Variants in UTS2 observed in about 807,000 individuals in gnomAD.
The protein encoded by UTS2 is urotensin 2.
In UTS2, 10 loss-of-function variants were observed where a neutral mutation model predicts 12.6. The ratio of observed to expected loss-of-function variants is 0.80; its 90% CI spans 0.49 to 1.35. UTS2 has a LOEUF of 1.35. UTS2 is among the 40% of genes most tolerant of loss of function. UTS2 has a pLI of 0.00. For missense variants in UTS2, 142 were observed against 143.2 expected (o/e 0.99, Z 0.04); for synonymous variants, 52 against 50.0 (o/e 1.04, Z -0.17).
chr1:7,847,663 T>A lies in UTS2; in HGVS notation c.*103A>T. On this transcript the variant is annotated 3_prime_UTR_variant, in exon 4 of 4. Transcript: ENST00000361696. Reference sequence around the variant, plus strand: ...CCAGGTAACAATGAACAGGGTGTAGTTTGCCTAGTTTTTCTCCACACTGTT... The same window carrying A: ...CCAGGTAACAATGAACAGGGTGTAGATTGCCTAGTTTTTCTCCACACTGTT... 6.8e-6 allele frequency: 6 copies of A among 877,826 alleles called. No homozygotes were observed. Among genetic ancestry groups the A allele is most frequent in the South Asian group, 4.8e-5 (3 of 62,766 alleles). 54.4% of individuals were successfully genotyped at this position (877,826 alleles called of 1,614,324 possible).
chr1:7,887,592 C>CAAAAAAAAAAAA, the UTS2 span, among the ~76,000 whole-genome samples: 3 of 62,438 alleles, frequency 4.8e-5, no homozygotes, highest in African/African-American at 1.3e-4. Flanking sequence ...CCAGTCTCTA[C>CAAAAAAAAAAAA]AAAAAAAAAA....
At chr1:7,874,792 T>C in the UTS2 span, among the ~76,000 whole-genome samples, 1 of 152,214 alleles carries the variant, frequency 6.6e-6, no homozygotes, top group Admixed American at 6.5e-5. Context: ...TGGGAGGTCA[T>C]TGGATTACAG....
chr1:7,889,292 A>C, the UTS2 span, among the ~76,000 whole-genome samples: 1 of 150,708 alleles, frequency 6.6e-6, no homozygotes, highest in Non-Finnish European at 1.5e-5. Context: ...ATTTACAAAA[A>C]CTAGCCAGGC....
the UTS2 span, among the ~76,000 whole-genome samples, chr1:7,902,393 T>G: frequency 6.6e-6 from 1 of 152,138 alleles, no homozygotes; most frequent in African/African-American, 2.4e-5. Flanking sequence ...ATGTAGTCAT[T>G]TTGGTAAAGA....
At chr1:7,863,007 T>TATCGTATCGTATCGTATC in the UTS2 span, among the ~76,000 whole-genome samples, 1 of 20,528 alleles carries the variant, frequency 4.9e-5, no homozygotes, top group African/African-American at 1.7e-4. Context: ...TGTATTGTAT[T>TATCGTATCGTATCGTATC]GTATTGTATT....
chr1:7,889,960 G>A, the UTS2 span, among the ~76,000 whole-genome samples: 25 of 151,844 alleles, frequency 1.6e-4, no homozygotes, highest in Non-Finnish European at 2.5e-4. Context: ...CCAGCTACTC[G>A]GGAGGCTGAG....
the UTS2 span, among the ~76,000 whole-genome samples, chr1:7,910,266 T>C: frequency 6.6e-6 from 1 of 152,048 alleles, no homozygotes; most frequent in East Asian, 1.9e-4. Flanking sequence ...AAGATTACTC[T>C]AACTCCCCCT....
At chr1:7,907,244 CTG>C in the UTS2 span, among the ~76,000 whole-genome samples, 1 of 151,650 alleles carries the variant, frequency 6.6e-6, no homozygotes, top group African/African-American at 2.4e-5. Context: ...TGACGAGAGA[CTG>C]TCTCAAAACA....
chr1:7,902,024 C>T, the UTS2 span, among the ~76,000 whole-genome samples: 3 of 152,178 alleles, frequency 2.0e-5, no homozygotes, highest in South Asian at 4.2e-4. Context: ...GAGAGAATGA[C>T]CGGGGTGGCT....
At chr1:7,889,442 C>CAAAAAAAA in the UTS2 span, among the ~76,000 whole-genome samples, 7 of 85,374 alleles carry the variant, frequency 8.2e-5, no homozygotes, top group African/African-American at 1.3e-4. Flanking sequence ...ATCTTATCAC[C>CAAAAAAAA]AAAAAAAAAA....
At chr1:7,863,246 G>A in the UTS2 span, among the ~76,000 whole-genome samples, 1 of 151,908 alleles carries the variant, frequency 6.6e-6, no homozygotes, top group African/African-American at 2.4e-5. Flanking sequence ...CGAGTAGCTG[G>A]GATTACAGGC....
At chr1:7,895,211 A>G in the UTS2 span, among the ~76,000 whole-genome samples, 6 of 152,070 alleles carry the variant, frequency 3.9e-5, no homozygotes, top group African/African-American at 1.4e-4. Context: ...TCTACTAAAA[A>G]TACAAAAATT....
the UTS2 span, among the ~76,000 whole-genome samples, chr1:7,905,955 C>CAG: frequency 1.5e-4 from 19 of 129,610 alleles, no homozygotes; most frequent in Admixed American, 1.2e-3. Flanking sequence ...GCTGGGCACA[C>CAG]GGGGGCCTGA....
At chr1:7,863,077 T>C in the UTS2 span, among the ~76,000 whole-genome samples, 1,644 of 90,800 alleles carry the variant, frequency 0.018, 81 homozygotes, top group African/African-American at 0.064. Context: ...TGTATTGTAT[T>C]GTATTGTATT....
the UTS2 span, among the ~76,000 whole-genome samples, chr1:7,874,941 C>T: frequency 6.6e-6 from 1 of 152,182 alleles, no homozygotes; most frequent in East Asian, 1.9e-4. Flanking sequence ...TTCCCCTTTG[C>T]CTTCCGCCAT....
the UTS2 span, among the ~76,000 whole-genome samples, chr1:7,894,870 G>A: frequency 5.9e-4 from 90 of 152,100 alleles, no homozygotes; most frequent in African/African-American, 2.1e-3. Context: ...GTTCTAGGCT[G>A]CAATGAGCTC....
At chr1:7,875,870 G>T in the UTS2 span, among the ~76,000 whole-genome samples, 1 of 151,996 alleles carries the variant, frequency 6.6e-6, no homozygotes, top group South Asian at 2.1e-4. Context: ...GCAAACTATT[G>T]GGGGGCCTGA....
upstream of UTS2, among the ~76,000 whole-genome samples, chr1:7,854,218 C>T (rs570008992): frequency 2.9e-4 from 44 of 152,078 alleles, no homozygotes; most frequent in African/African-American, 9.6e-4. Flanking sequence ...GTGGCACGTG[C>T]CTGTAATCCC....
the UTS2 span, among the ~76,000 whole-genome samples, chr1:7,893,005 TGAAATCTCAGA>T: frequency 6.6e-6 from 1 of 152,244 alleles, no homozygotes; most frequent in African/African-American, 2.4e-5. Context: ...TTAATACTTG[TGAAATCTCAGA>T]GAAGAGGCTA....
Sources: allele counts gnomAD v4.1 joint callset (sites outside exome capture counted in the v4.1 genomes callset), GRCh38; gene constraint gnomAD v4.1.1; transcripts MANE v1.5; gene names NCBI Gene and HGNC (gene_info 2026-07-23, HGNC 2026-07-21).